ALPK2: variants seen among roughly 807,000 people sequenced by gnomAD.
ALPK2 encodes the protein alpha kinase 2, also known as alpha-protein kinase 2.
Under a neutral mutation model 163.1 loss-of-function variants are expected in ALPK2, and 127 were observed. The ratio of observed to expected loss-of-function variants is 0.78; its 90% CI spans 0.67 to 0.90. The LOEUF (loss-of-function observed/expected upper bound fraction) is 0.90. Among genes scored for constraint, ALPK2 ranks in the 40% least tolerant of loss-of-function variants. The probability of loss-of-function intolerance (pLI) is 0.00; values close to 1 mark genes in which losing one functional copy is unlikely to be tolerated. For synonymous variants in ALPK2, 953 were observed against 959.1 expected (o/e 0.99, Z 0.12); for missense variants, 2,360 against 2,589.6 (o/e 0.91, Z 1.92).
At chr18:58,498,850 C>G (rs1357798005) in intron 11 of ALPK2, among the ~76,000 whole-genome samples, 1 of 152,192 alleles carries the variant, frequency 6.6e-6, no homozygotes, top group Non-Finnish European at 1.5e-5. Flanking sequence ...GACTATGAGT[C>G]CATTAGCCTC....
At chr18:58,570,129 CAAAAAAAA>C (rs11329554) in intron 4 of ALPK2, among the ~76,000 whole-genome samples, 3 of 125,434 alleles carry the variant, frequency 2.4e-5, no homozygotes, top group African/African-American at 6.0e-5. Flanking sequence ...GACTCCGTCT[CAAAAAAAA>C]AAAAAAAAAG....
chr18:58,540,958 A>C (rs935328776), intron 4 of ALPK2, among the ~76,000 whole-genome samples: 9 of 152,226 alleles, frequency 5.9e-5, no homozygotes, highest in Admixed American at 5.9e-4. Context: ...ACCTCTGAAG[A>C]GAATTAAACA....
At chr18:58,489,220 A>G (rs990861415) in intron 12 of ALPK2, among the ~76,000 whole-genome samples, 3 of 152,156 alleles carry the variant, frequency 2.0e-5, no homozygotes, top group African/African-American at 7.2e-5. Context: ...GAGCCAGAGC[A>G]GGTGTTCTGA....
chr18:58,570,723 C>G (rs1280809643), intron 4 of ALPK2, among the ~76,000 whole-genome samples: 1 of 152,194 alleles, frequency 6.6e-6, no homozygotes, highest in South Asian at 2.1e-4. Flanking sequence ...ATATTGTGGG[C>G]AAATCCAGGA....
chr18:58,509,679 C>T (rs2051479565), intron 10 of ALPK2, among the ~76,000 whole-genome samples: 1 of 152,042 alleles, frequency 6.6e-6, no homozygotes, highest in Non-Finnish European at 1.5e-5. Flanking sequence ...GCATAAATGT[C>T]TTCTTTTGAG....
At chr18:58,517,211 A>G (rs764916306) in intron 8 of ALPK2, 29 bp from the exon 9 acceptor site, 1 of 1,603,978 alleles carries the variant, frequency 6.2e-7, no homozygotes, top group Admixed American at 1.7e-5. Context: ...TTGGTTGGAA[A>G]GAATACCTCC....
chr18:58,544,326 T>C (rs945445094), intron 4 of ALPK2: 8 of 152,234 alleles, frequency 5.3e-5, no homozygotes, highest in Non-Finnish European at 1.2e-4. Context: ...CTCCTAGGAA[T>C]GTCTGCCATG....
intron 6 of ALPK2, 76 bp downstream of exon 6, chr18:58,529,014 CT>C: frequency 6.3e-7 from 1 of 1,575,010 alleles, no homozygotes. Context: ...ATAATTTATT[CT>C]TTTTTCTTTT....
In ALPK2 at chr18:58,538,102, T is replaced by G. The variant is rs1352185044; in HGVS notation, c.2085A>C (p.Gly695=). Residue 695 remains glycine (G), a synonymous_variant, in exon 5 of 13, where the codon GGA becomes GGC. Transcript: ENST00000361673. The part of the protein sequence containing the change: ...GTTTISFSNL[G]GVHKENASLA... ...ATGATGCATTTTCCTTGTGGACCCC[T>G]CCTAAGTTTGAGAAGGAAATTGTTG... 1 of 1,614,144 alleles carries G rather than the reference T, an allele frequency of 6.2e-7. No homozygotes were observed.
intron 4 of ALPK2, chr18:58,544,316 C>T (rs1175517345): frequency 1.3e-5 from 2 of 152,170 alleles, no homozygotes; most frequent in Non-Finnish European, 2.9e-5. Flanking sequence ...AAAGTTCTGC[C>T]TCCTAGGAAT....
Position 58,512,730 on chromosome 18 carries a change from TGTGTGTGTTATGTG to T in ALPK2, c.6029+2249_6029+2262del, listed in dbSNP as rs1236899066. ...ATGTGTATGTGTGTATTGTCTGTGG[TGTGTGTGTTATGTG>T]GTGTGTGTTGTGTGTATGTGTATGT... On this transcript the variant is annotated intron_variant, in intron 10 of 12. Transcript: ENST00000361673. 7.0e-5 allele frequency among the ~76,000 whole-genome samples: 9 copies of T among 127,964 alleles called. No homozygotes were observed. The South Asian group carries it at 9.8e-4, about 14-fold the overall frequency. 83.9% of individuals were successfully genotyped at this position (127,964 alleles called of 152,430 possible). A position where few individuals can be genotyped will look rare whatever the true frequency, so the allele number is the denominator to read the frequency against.
At position 58,607,418 on chromosome 18, in the gene ALPK2, G is replaced by A; in HGVS notation, c.131C>T (p.Thr44Ile). ...GATGGCCTGACCATTCTTATACCAAGTTACCTCTGGCTTGGGCTGACCTGA... is the reference window on the plus strand; with the variant it reads ...GATGGCCTGACCATTCTTATACCAAATTACCTCTGGCTTGGGCTGACCTGA... ...IISGQPKPEV[T>I]WYKNGQAIDG... is the part of the protein sequence containing the mutation. The change falls in exon 3 of 13, where the codon ACT (threonine) becomes ATT (isoleucine). Residue 44 changes from threonine (T) to isoleucine (I), a missense_variant. Thr to Ile is a moderately conservative substitution (Grantham distance 89, BLOSUM62 -1). Coordinates refer to ENST00000361673, the MANE Select transcript of ALPK2 (RefSeq NM_052947.4). The A allele has an allele frequency of 6.2e-7, 1 of 1,612,064 alleles. No individual in the cohort carries two copies. Among genetic ancestry groups the A allele is most frequent in the East Asian group, 2.2e-5 (1 of 44,802 alleles).
chr18:58,556,440 T>G lies in ALPK2; in HGVS notation c.1963-18216A>C, dbSNP rs182731736. Among the ~76,000 whole-genome samples, 9 of 152,352 alleles carry G rather than the reference T, an allele frequency of 5.9e-5. No individual in the cohort carries two copies. The East Asian group carries it at 1.5e-3, about 26-fold the overall frequency. On this transcript the variant is annotated intron_variant, in intron 4 of 12. Coordinates refer to ENST00000361673, the MANE Select transcript of ALPK2 (RefSeq NM_052947.4). Reference sequence around the variant, plus strand: ...GCCGCTTCCTGACGTAGAGCCTGGCTGACAGGCTTTATCTCACAGGGCTGT... The same window carrying G: ...GCCGCTTCCTGACGTAGAGCCTGGCGGACAGGCTTTATCTCACAGGGCTGT...
chr18:58,516,862 G>A (rs1363330256), intron 9 of ALPK2, 46 bp downstream of exon 9: 1 of 1,588,996 alleles, frequency 6.3e-7, no homozygotes, highest in East Asian at 2.3e-5. Flanking sequence ...CTTATCATGG[G>A]TGGTTCTCAC....
chr18:58,604,098 C>G (rs1339384060), intron 3 of ALPK2, among the ~76,000 whole-genome samples: 2 of 152,160 alleles, frequency 1.3e-5, no homozygotes, highest in Non-Finnish European at 2.9e-5. Flanking sequence ...TCGCAGGGCT[C>G]TTAGCCTCCA....
intron 3 of ALPK2, among the ~76,000 whole-genome samples, chr18:58,587,995 G>A (rs746077223): frequency 4.7e-4 from 71 of 152,160 alleles, no homozygotes; most frequent in Non-Finnish European, 9.0e-4. Context: ...ACCATCATTT[G>A]TCTGTTATTC....
chr18:58,529,136 A>C lies in ALPK2; in HGVS notation c.5456T>G (p.Ile1819Ser), dbSNP rs765606827. 1.9e-6 allele frequency: 3 copies of C among 1,614,126 alleles called. No individual in the cohort carries two copies. The highest frequency in any genetic ancestry group is 2.5e-6 in the Non-Finnish European group (3 of 1,179,980). Reference sequence around the variant, plus strand: ...GGACTTTGAATCTTTTGTCCAGCAGATAGTAGAATCTTCATGAATTTCTGC... The same window carrying C: ...GGACTTTGAATCTTTTGTCCAGCAGCTAGTAGAATCTTCATGAATTTCTGC... ...QFAEIHEDST[I>S]CWTKDSKSIA... The change falls in exon 6 of 13, where the codon ATC (isoleucine) becomes AGC (serine). Residue 1819 changes from isoleucine to serine, a missense_variant. Transcript: ENST00000361673.
intron 12 of ALPK2, 89 bp downstream of exon 12, chr18:58,497,960 C>A: frequency 8.4e-7 from 1 of 1,189,564 alleles, no homozygotes. Context: ...AAGAAATTCA[C>A]TTTGCCCACC....
At chr18:58,498,124 AGT>A (rs752271788) in intron 11 of ALPK2, 27 bp from the exon 12 acceptor site, 4 of 1,613,354 alleles carry the variant, frequency 2.5e-6, no homozygotes, top group Non-Finnish European at 3.4e-6. Context: ...CAAAGATGGG[AGT>A]TTGTGTTACT....
Sources: allele counts gnomAD v4.1 joint callset (sites outside exome capture counted in the v4.1 genomes callset), GRCh38; gene constraint gnomAD v4.1.1; transcripts MANE v1.5; gene names NCBI Gene and HGNC (gene_info 2026-07-23, HGNC 2026-07-21).